Variants in PTPRS observed in about 807,000 individuals in gnomAD.
The protein encoded by PTPRS is receptor-type tyrosine-protein phosphatase S.
In PTPRS, 63 loss-of-function variants were observed where a neutral mutation model predicts 215.3. That is an observed-to-expected ratio of 0.29 (90% CI 0.24 to 0.36). The LOEUF (loss-of-function observed/expected upper bound fraction) is 0.36. PTPRS is among the 10% of genes least tolerant of loss of function. The pLI, the probability that PTPRS is intolerant of heterozygous loss-of-function variation, is 1.00. For missense variants in PTPRS, 2,258 were observed against 2,825.8 expected (o/e 0.80, Z 4.56); for synonymous variants, 1,404 against 1,191.4 (o/e 1.18, Z -3.68).
chr19:5,215,609 CA>C lies in PTPRS; in HGVS notation c.4097-15del, dbSNP rs1568380719. On this transcript the variant is annotated splice_polypyrimidine_tract_variant and intron_variant, in intron 26 of 37. Transcript: ENST00000262963. ...GGCTAAGCATGCCTACAGGGTGGAG[CA>C]GACCCCGCCGGGGTTGGTCACTTGG... 6.3e-7 allele frequency: 1 copy of C among 1,575,684 alleles called. No individual in the cohort carries two copies. The highest frequency in any genetic ancestry group is 2.3e-5 in the East Asian group (1 of 44,308).
chr19:5,264,994 C>A lies in PTPRS; in HGVS notation c.568+14G>T, dbSNP rs563233805. On this transcript the variant is annotated intron_variant, in intron 5 of 37. Transcript: ENST00000262963. ...CTCCAAGGCTCCCACGTCCTGTCAG[C>A]CACCCTCACTCACCTGATCGCAGCT... is the stretch of plus-strand genomic sequence containing the variant. 7.4e-6 allele frequency: 12 copies of A among 1,613,002 alleles called. No homozygotes were observed. The South Asian group carries it at 1.2e-4, about 16-fold the overall frequency.
intron 16 of PTPRS, among the ~76,000 whole-genome samples, chr19:5,226,053 G>A (rs984399635): frequency 1.3e-5 from 2 of 152,208 alleles, no homozygotes; most frequent in Admixed American, 6.5e-5. Context: ...GCCCATTGTC[G>A]CTTGCCAGGA....
intron 1 of PTPRS, among the ~76,000 whole-genome samples, chr19:5,313,822 C>T (rs549041319): frequency 3.3e-5 from 5 of 152,202 alleles, no homozygotes; most frequent in African/African-American, 9.6e-5. Flanking sequence ...TTGCTGGGCA[C>T]GCAGTGGCTC....
At chr19:5,224,888 G>A (rs1395500549) in intron 17 of PTPRS, among the ~76,000 whole-genome samples, 1 of 152,114 alleles carries the variant, frequency 6.6e-6, no homozygotes, top group Non-Finnish European at 1.5e-5. Context: ...GTACACAGTG[G>A]TGTGGCTACA....
At chr19:5,250,684 G>A (rs2044940943) in intron 9 of PTPRS, among the ~76,000 whole-genome samples, 1 of 150,344 alleles carries the variant, frequency 6.7e-6, no homozygotes, top group Non-Finnish European at 1.5e-5. Flanking sequence ...GCAGGTTGTG[G>A]GGGGTGGTCG....
intron 13 of PTPRS, among the ~76,000 whole-genome samples, chr19:5,235,004 G>A (rs2238636): frequency 0.12 from 18,057 of 149,962 alleles, 1,962 homozygotes; most frequent in East Asian, 0.64. Flanking sequence ...GCAGTGGCGC[G>A]ATCTCGGCTC....
In PTPRS at chr19:5,278,676, T is replaced by C. The variant is rs150631027; in HGVS notation, c.92-4332A>G. ...TTTTAGTAGAGACAGGGTTTCCCCA[T>C]GTTGGCCAGGCTGGTCTCAAACTCT... On this transcript the variant is annotated intron_variant, in intron 2 of 37. Transcript: ENST00000262963. 1.9e-3 allele frequency among the ~76,000 whole-genome samples: 287 copies of C among 151,790 alleles called. 1 individual carries two copies. Among genetic ancestry groups the C allele is most frequent in the African/African-American group, 6.6e-3 (274 of 41,414 alleles).
chr19:5,218,965 C>T (rs960512198), intron 23 of PTPRS, 167 bp from the exon 24 acceptor site: 4 of 720,882 alleles, frequency 5.5e-6, no homozygotes, highest in South Asian at 1.9e-5. Flanking sequence ...GTCCCCCTGC[C>T]TATCGACACC....
In PTPRS at chr19:5,214,675, C is replaced by T. The variant is rs773268606; in HGVS notation, c.4380G>A (p.Ala1460=). The T allele has an allele frequency of 3.0e-5, 49 of 1,612,850 alleles. No homozygotes were observed. The highest frequency in any genetic ancestry group is 2.2e-4 in the East Asian group (10 of 44,866). Residue 1460 remains alanine (A), a synonymous_variant, in exon 29 of 38, where the codon GCG becomes GCA. Coordinates refer to ENST00000262963, the MANE Select transcript of PTPRS (RefSeq NM_002850.4). ...GCAGCGGCCCCTGCGTGGCAATGTA[C>T]GCGTTCTGACACCGGTAGCCGTCCA... ...NYVDGYRCQN[A]YIATQGPLPE...
intron 1 of PTPRS, among the ~76,000 whole-genome samples, chr19:5,303,068 T>TCAAAAA (rs1028496603): frequency 1.3e-5 from 2 of 151,668 alleles, no homozygotes; most frequent in Non-Finnish European, 2.9e-5. Flanking sequence ...AGACCCCGTC[T>TCAAAAA]CAAAAACAAA....
chr19:5,267,539 C>T (rs926291459), intron 4 of PTPRS, among the ~76,000 whole-genome samples: 1 of 151,928 alleles, frequency 6.6e-6, no homozygotes, highest in Non-Finnish European at 1.5e-5. Context: ...CGCCTGTAAT[C>T]CCAGTTCCTT....
intron 1 of PTPRS, among the ~76,000 whole-genome samples, chr19:5,334,764 TGTGTGAAGTGACCTCAG>T (rs2147303463): frequency 6.6e-6 from 1 of 152,326 alleles, no homozygotes; most frequent in South Asian, 2.1e-4. Context: ...GCTTGTGGGC[TGTGTGAAGTGACCTCAG>T]GCCAGTGAAG....
intron 13 of PTPRS, among the ~76,000 whole-genome samples, chr19:5,236,988 A>AAAAG (rs757509763): frequency 3.9e-5 from 6 of 152,228 alleles, no homozygotes; most frequent in African/African-American, 1.4e-4. Context: ...AAAACTTAAT[A>AAAAG]AAAGAAAGAA....
chr19:5,306,339 T>C (rs1178024153), intron 1 of PTPRS, among the ~76,000 whole-genome samples: 2 of 152,080 alleles, frequency 1.3e-5, no homozygotes, highest in African/African-American at 2.4e-5. Context: ...GAGACGGGGT[T>C]TCACCATGTT....
intron 2 of PTPRS, among the ~76,000 whole-genome samples, chr19:5,280,635 C>T (rs1326176884): frequency 2.6e-5 from 4 of 151,970 alleles, no homozygotes; most frequent in African/African-American, 7.2e-5. Flanking sequence ...GCAGGAGAAT[C>T]GTTTGAACCC....
chr19:5,216,618 G>A (rs1326984973), intron 26 of PTPRS, 102 bp downstream of exon 26: 1 of 1,016,090 alleles, frequency 9.8e-7, no homozygotes. Flanking sequence ...GCCGGTGATG[G>A]GTGGGCGTGT....
intron 9 of PTPRS, 23 bp from the exon 10 acceptor site, chr19:5,246,068 G>C (rs775218878): frequency 2.1e-6 from 3 of 1,411,182 alleles, no homozygotes; most frequent in African/African-American, 2.9e-5. Flanking sequence ...CGGCAGTGGC[G>C]GCGGGAGGGA....
chr19:5,219,819 G>T, intron 22 of PTPRS, 120 bp downstream of exon 22: 1 of 1,180,840 alleles, frequency 8.5e-7, no homozygotes, highest in Non-Finnish European at 1.2e-6. Context: ...CTTCCCCTCT[G>T]CCCAGCTCTG....
chr19:5,290,460 G>A (rs1173376060), intron 1 of PTPRS, among the ~76,000 whole-genome samples: 6 of 152,214 alleles, frequency 3.9e-5, no homozygotes, highest in African/African-American at 7.2e-5. Context: ...TTCCAACCAG[G>A]CGCCGGGGCA....
Sources: gnomAD v4.1 joint callset for allele counts (sites outside exome capture counted in the v4.1 genomes callset) on GRCh38, gnomAD v4.1.1 for gene constraint, MANE v1.5 for transcripts, NCBI Gene and HGNC (gene_info 2026-07-23, HGNC 2026-07-21) for gene names.